The following PIK3C2B variants were observed in gnomAD, a reference collection of about 807,000 sequenced individuals.
PIK3C2B encodes phosphatidylinositol 4-phosphate 3-kinase C2 domain-containing subunit beta.
In PIK3C2B, 83 loss-of-function variants were observed where a neutral mutation model predicts 184.3. The observed-to-expected ratio is 0.45, with a 90% CI of 0.38 to 0.54. The LOEUF (loss-of-function observed/expected upper bound fraction) is 0.54, where lower values mean the gene tolerates loss of function less well. Ranked by LOEUF, PIK3C2B falls within the 20% of genes least tolerant of loss-of-function variation. The probability of loss-of-function intolerance (pLI) is 0.00; values close to 1 mark genes in which losing one functional copy is unlikely to be tolerated. For synonymous variants in PIK3C2B, 779 were observed against 837.6 expected (o/e 0.93, Z 1.21); for missense variants, 1,736 against 2,113.5 (o/e 0.82, Z 3.50).
chr1:204,474,425 C>T (rs1018101771), intron 1 of PIK3C2B, among the ~76,000 whole-genome samples: 3 of 152,186 alleles, frequency 2.0e-5, no homozygotes, highest in African/African-American at 7.2e-5. Flanking sequence ...GTCTGCCCCC[C>T]ACATCCCACT....
chr1:204,431,618 C>CT, intron 28 of PIK3C2B, 51 bp downstream of exon 28: 1 of 1,610,968 alleles, frequency 6.2e-7, no homozygotes, highest in Middle Eastern at 2.0e-4. Flanking sequence ...ATCCCGTATC[C>CT]TTTCCCCCTC....
At chr1:204,458,619 G>A (rs1655066637) in intron 8 of PIK3C2B, among the ~76,000 whole-genome samples, 1 of 151,588 alleles carries the variant, frequency 6.6e-6, no homozygotes, top group Non-Finnish European at 1.5e-5. Context: ...TCAGCCTCCT[G>A]AATAGCTGGG....
chr1:204,449,734 A>T, intron 13 of PIK3C2B, 116 bp downstream of exon 13: 1 of 913,250 alleles, frequency 1.1e-6, no homozygotes, highest in Non-Finnish European at 1.6e-6. Flanking sequence ...TTCACCAGTG[A>T]GCCCCACATG....
intron 12 of PIK3C2B, among the ~76,000 whole-genome samples, chr1:204,453,520 C>T (rs1654551810): frequency 6.6e-6 from 1 of 152,140 alleles, no homozygotes; most frequent in East Asian, 1.9e-4. Flanking sequence ...AAATGAGGCA[C>T]AGAAAGAATA....
intron 28 of PIK3C2B, 60 bp downstream of exon 28, chr1:204,431,609 T>TC: frequency 6.2e-7 from 1 of 1,604,266 alleles, no homozygotes. Context: ...CCACCTCCCA[T>TC]CCCGTATCCT....
Position 204,494,578 on chromosome 1 carries a change from GGC to G in PIK3C2B, c.-309_-308del, listed in dbSNP as rs1658242553. On this transcript the variant is annotated 5_prime_UTR_variant, in exon 1 of 33. Transcript: ENST00000684373. ...AGGGGCAGAGGGAGAGGCAGCAAAG[GGC>G]GCAAGGACCAGCTTGTGGGGGTGGG... 6.6e-6 allele frequency: 1 copy of G among 152,624 alleles called. No homozygotes were observed. Among genetic ancestry groups the G allele is most frequent in the Admixed American group, 6.5e-5 (1 of 15,282 alleles). 9.5% of individuals were successfully genotyped at this position (152,624 alleles called of 1,614,324 possible). A position where few individuals can be genotyped will look rare whatever the true frequency, so the allele number is the denominator to read the frequency against.
chr1:204,437,766 A>G (rs1675431209), intron 23 of PIK3C2B, among the ~76,000 whole-genome samples: 1 of 152,222 alleles, frequency 6.6e-6, no homozygotes, highest in African/African-American at 2.4e-5. Flanking sequence ...ATTGACTGAT[A>G]GCAAACACAA....
chr1:204,439,915 A>C (rs1300917556), intron 22 of PIK3C2B, among the ~76,000 whole-genome samples: 1 of 152,226 alleles, frequency 6.6e-6, no homozygotes, highest in Non-Finnish European at 1.5e-5. Context: ...GGCATGAGCT[A>C]GCATGTCTGG....
chr1:204,481,046 C>A (rs922251174), intron 1 of PIK3C2B, among the ~76,000 whole-genome samples: 6 of 151,746 alleles, frequency 4.0e-5, no homozygotes, highest in Non-Finnish European at 8.8e-5. Context: ...CATGTGTAAC[C>A]CCCAACCCCT....
intron 23 of PIK3C2B, among the ~76,000 whole-genome samples, chr1:204,437,553 T>C (rs952226767): frequency 1.3e-5 from 2 of 151,858 alleles, no homozygotes; most frequent in Non-Finnish European, 2.9e-5. Context: ...TGGCTCTAGA[T>C]GGAGGAGAGG....
At position 204,469,446 on chromosome 1, in the gene PIK3C2B, G is replaced by A; in HGVS notation, c.357C>T (p.Pro119=). 6.3e-7 allele frequency: 1 copy of A among 1,578,648 alleles called. No homozygotes were observed. Among genetic ancestry groups the A allele is most frequent in the Non-Finnish European group, 8.6e-7 (1 of 1,166,386 alleles). The stretch of plus-strand genomic sequence containing the variant: ...GATAGTCTCCAGACAGGGAGCCTTT[G>A]GGCCAGGGATCTGAGCCAGGCTGTG... ...QGPQPGSDPW[P]KGSLSGDYLY... The change falls in exon 2 of 33, where the codon CCC becomes CCT. Residue 119 remains proline, a synonymous_variant. Coordinates refer to ENST00000684373, the MANE Select transcript of PIK3C2B (RefSeq NM_001377334.1).
intron 2 of PIK3C2B, among the ~76,000 whole-genome samples, chr1:204,467,564 T>C (rs993336531): frequency 6.6e-6 from 1 of 151,920 alleles, no homozygotes; most frequent in African/African-American, 2.4e-5. Context: ...GCCAGGGGCA[T>C]TGGCTTACAC....
At chr1:204,482,852 G>A (rs1396633612) in intron 1 of PIK3C2B, among the ~76,000 whole-genome samples, 1 of 152,112 alleles carries the variant, frequency 6.6e-6, no homozygotes, top group African/African-American at 2.4e-5. Context: ...ATATCTCGAT[G>A]GGGGGAATGG....
chr1:204,425,802 A>T, intron 31 of PIK3C2B, 61 bp from the exon 32 acceptor site: 1 of 1,496,876 alleles, frequency 6.7e-7, no homozygotes, highest in Non-Finnish European at 9.3e-7. Context: ...CTTCACCACC[A>T]TTCCTGTGAT....
At chr1:204,464,327 C>CA in intron 4 of PIK3C2B, 123 bp downstream of exon 4, 14 of 1,166,098 alleles carry the variant, frequency 1.2e-5, no homozygotes, top group Non-Finnish European at 1.7e-5. Flanking sequence ...CCCTCACCCC[C>CA]AAAGGAGCAT....
chr1:204,454,887 T>G lies in PIK3C2B; in HGVS notation c.1944-96A>C, dbSNP rs1654697723. ...TAAGGCCAAAATCCATTTCCCCTGG[T>G]AAAACTCTCAGTCTCTGAGGGCTGT... is the stretch of plus-strand genomic sequence containing the variant. On this transcript the variant is annotated intron_variant, in intron 11 of 32. Coordinates refer to ENST00000684373, the MANE Select transcript of PIK3C2B (RefSeq NM_001377334.1). 3.6e-6 allele frequency: 5 copies of G among 1,384,566 alleles called. No homozygotes were observed. The South Asian group carries it at 6.8e-5, about 19-fold the overall frequency. 85.8% of individuals were successfully genotyped at this position (1,384,566 alleles called of 1,614,324 possible). A position where few individuals can be genotyped will look rare whatever the true frequency, so the allele number is the denominator to read the frequency against.
intron 12 of PIK3C2B, 22 bp downstream of exon 12, chr1:204,454,647 G>A (rs749357813): frequency 1.2e-6 from 2 of 1,611,418 alleles, no homozygotes; most frequent in South Asian, 1.1e-5. Flanking sequence ...CCTGGGCACT[G>A]AAGCCTGGGG....
intron 1 of PIK3C2B, among the ~76,000 whole-genome samples, chr1:204,472,717 T>C (rs1293320906): frequency 6.6e-6 from 1 of 151,234 alleles, no homozygotes; most frequent in Admixed American, 6.6e-5. Context: ...GAGGCGGAGG[T>C]TGCAGTGAGC....
chr1:204,474,013 T>C (rs1227268658), intron 1 of PIK3C2B, among the ~76,000 whole-genome samples: 57 of 113,888 alleles, frequency 5.0e-4, no homozygotes, highest in Non-Finnish European at 8.5e-4. Flanking sequence ...TTTTTTGAGA[T>C]GGAGTTTCGC....
Sources: allele counts gnomAD v4.1 joint callset (sites outside exome capture counted in the v4.1 genomes callset), GRCh38; gene constraint gnomAD v4.1.1; transcripts MANE v1.5; gene names NCBI Gene and HGNC (gene_info 2026-07-23, HGNC 2026-07-21).